RPTOR: variants seen among roughly 807,000 people sequenced by gnomAD.
RPTOR encodes the protein regulatory associated protein of MTOR complex 1.
Under a neutral mutation model 169.9 loss-of-function variants are expected in RPTOR, and 21 were observed. The observed-to-expected ratio is 0.12, with a 90% CI of 0.09 to 0.18. The LOEUF (loss-of-function observed/expected upper bound fraction) is 0.18. RPTOR is among the 10% of genes least tolerant of loss of function. RPTOR has a pLI of 1.00. For synonymous variants in RPTOR, 732 were observed against 753.2 expected, an observed-to-expected ratio of 0.97 and a Z score of 0.46; for missense variants, 1,133 against 1,855.9, an observed-to-expected ratio of 0.61 and a Z score of 7.16.
rs751529541 is a variant in RPTOR, at chr17:80,822,231, G to A, written c.921G>A (p.Thr307=). The A allele has an allele frequency of 3.7e-6, 6 of 1,614,070 alleles. No individual in the cohort carries two copies. The highest frequency in any genetic ancestry group is 3.3e-5 in the South Asian group (3 of 91,092). ...KIPGRLNDRR[T]PLGELNWIFT... is the part of the protein sequence containing the mutation. ...CTGGCCGCCTGAACGACAGGAGGAC[G>A]CCCCTGGGTGAACTGAACTGGATCT... The change falls in exon 8 of 34, where the codon ACG becomes ACA. Residue 307 remains threonine, a synonymous_variant. Transcript: ENST00000306801.
Position 80,781,328 on chromosome 17 carries a change from C to T in RPTOR, c.831-10122C>T, listed in dbSNP as rs896084740. 5.3e-5 allele frequency among the ~76,000 whole-genome samples: 8 copies of T among 152,182 alleles called. No individual in the cohort carries two copies. In the South Asian group the frequency reaches 6.2e-4, roughly 12 times the overall value. On this transcript the variant is annotated intron_variant, in intron 6 of 33. Coordinates refer to ENST00000306801, the MANE Select transcript of RPTOR (RefSeq NM_020761.3). ...CAAATAGAATCTTCAGCTTTGCCTT[C>T]GGTTCCCTCATCGTAGGGTCAGCTC...
intron 6 of RPTOR, among the ~76,000 whole-genome samples, chr17:80,778,724 G>A (rs773267537): frequency 2.0e-5 from 3 of 152,206 alleles, no homozygotes; most frequent in Middle Eastern, 3.4e-3. Flanking sequence ...ACTAGAGCCC[G>A]GGAGTTCACC....
At chr17:80,770,465 CAG>C (rs1334772620) in intron 6 of RPTOR, among the ~76,000 whole-genome samples, 1 of 152,176 alleles carries the variant, frequency 6.6e-6, no homozygotes, top group Non-Finnish European at 1.5e-5. Context: ...TTTGGGGACA[CAG>C]AGGAGCAAAT....
At chr17:80,778,221 G>C (rs1242693761) in intron 6 of RPTOR, among the ~76,000 whole-genome samples, 2 of 152,224 alleles carry the variant, frequency 1.3e-5, no homozygotes. Context: ...GGGAGCCGCT[G>C]TTAGGAGCCT....
At chr17:80,546,741 G>T (rs1035256928) in intron 1 of RPTOR, among the ~76,000 whole-genome samples, 13 of 152,082 alleles carry the variant, frequency 8.5e-5, no homozygotes, top group Non-Finnish European at 1.8e-4. Flanking sequence ...TTTAGTATAT[G>T]ATGTTGAACA....
At chr17:80,955,392 G>C (rs2069235409) in intron 28 of RPTOR, among the ~76,000 whole-genome samples, 2 of 152,196 alleles carry the variant, frequency 1.3e-5, no homozygotes, top group African/African-American at 4.8e-5. Flanking sequence ...AGGATGCAGT[G>C]ATACCCCTAC....
At chr17:80,900,164 C>G (rs976679350) in intron 20 of RPTOR, among the ~76,000 whole-genome samples, 1 of 152,026 alleles carries the variant, frequency 6.6e-6, no homozygotes, top group African/African-American at 2.4e-5. Flanking sequence ...TCGGGGACTC[C>G]TCTTTGTGCC....
chr17:80,715,750 A>G (rs1291543529), intron 4 of RPTOR, among the ~76,000 whole-genome samples: 3 of 148,388 alleles, frequency 2.0e-5, no homozygotes, highest in Non-Finnish European at 4.5e-5. Flanking sequence ...CCCAAATTCC[A>G]TTGTATCATT....
Position 80,954,595 on chromosome 17 carries a change from A to G in RPTOR, c.3371-3029A>G, listed in dbSNP as rs542170499. Among the ~76,000 whole-genome samples the G allele has an allele frequency of 3.9e-5, 6 of 152,352 alleles. No homozygotes were observed. The South Asian group carries it at 1.2e-3, about 32-fold the overall frequency. On this transcript the variant is annotated intron_variant, in intron 28 of 33. Coordinates refer to ENST00000306801, the MANE Select transcript of RPTOR (RefSeq NM_020761.3). ...ATTTCAAAAGTAAAATAAAGAATGTATGTATGCCAGCAATTAACAACTAGA... is the reference window on the plus strand; with the variant it reads ...ATTTCAAAAGTAAAATAAAGAATGTGTGTATGCCAGCAATTAACAACTAGA...
chr17:80,634,195 T>TGTGC (rs57700847), intron 2 of RPTOR, among the ~76,000 whole-genome samples: 5 of 138,952 alleles, frequency 3.6e-5, no homozygotes, highest in Admixed American at 3.5e-4. Context: ...ATACTGTGTG[T>TGTGC]GCATACTGTG....
chr17:80,880,509 C>T lies in RPTOR; in HGVS notation c.1584+20C>T, dbSNP rs770268843. The T allele has an allele frequency of 6.2e-7, 1 of 1,611,828 alleles. No homozygotes were observed. The highest frequency in any genetic ancestry group is 2.2e-5 in the East Asian group (1 of 44,864). On this transcript the variant is annotated intron_variant, in intron 14 of 33. Transcript: ENST00000306801. ...ATGCCAGTAAGGACGGGGCAGCACG[C>T]TCTCCACGGGCTTGGGACTCAGCAC...
intron 3 of RPTOR, among the ~76,000 whole-genome samples, chr17:80,681,221 G>A (rs945133358): frequency 1.3e-4 from 20 of 152,262 alleles, no homozygotes; most frequent in East Asian, 5.8e-4. Context: ...GGAGTGTCTC[G>A]CTTTATTTTT....
chr17:80,706,795 T>C (rs1000524409), intron 3 of RPTOR, among the ~76,000 whole-genome samples: 2 of 152,204 alleles, frequency 1.3e-5, no homozygotes, highest in African/African-American at 4.8e-5. Flanking sequence ...GCATTGAATA[T>C]GTGAATTAAA....
At chr17:80,685,617 ATATATATATATTTTTTTTT>A (rs1188841234) in intron 3 of RPTOR, among the ~76,000 whole-genome samples, 2 of 12,230 alleles carry the variant, frequency 1.6e-4, no homozygotes, top group Non-Finnish European at 3.4e-4. Context: ...ATATATATAT[ATATATATATATTTTTTTTT>A]TTTTTTTTTT....
intron 1 of RPTOR, among the ~76,000 whole-genome samples, chr17:80,588,248 C>T (rs902587268): frequency 6.8e-4 from 103 of 151,586 alleles, no homozygotes; most frequent in African/African-American, 2.3e-3. Flanking sequence ...CTGCAACCTC[C>T]GCCTCTCGGG....
chr17:80,888,075 G>A (rs2068271144), intron 17 of RPTOR, among the ~76,000 whole-genome samples: 2 of 152,166 alleles, frequency 1.3e-5, no homozygotes, highest in South Asian at 4.1e-4. Flanking sequence ...CCCTGTCATG[G>A]CCTCGGGAGG....
chr17:80,863,870 T>C (rs375289437), intron 13 of RPTOR, among the ~76,000 whole-genome samples: 13 of 152,194 alleles, frequency 8.5e-5, no homozygotes, highest in Admixed American at 5.2e-4. Flanking sequence ...CAAAGAGCCG[T>C]GATTGTGCCA....
intron 1 of RPTOR, among the ~76,000 whole-genome samples, chr17:80,565,057 C>T (rs2084562195): frequency 6.6e-6 from 1 of 152,126 alleles, no homozygotes; most frequent in Non-Finnish European, 1.5e-5. Context: ...CATGTCTTTG[C>T]TATTGTGAGT....
intron 1 of RPTOR, among the ~76,000 whole-genome samples, chr17:80,587,305 GC>G (rs2065069570): frequency 6.6e-6 from 1 of 152,226 alleles, no homozygotes; most frequent in Admixed American, 6.5e-5. Flanking sequence ...TAGTATCTGC[GC>G]TCTTTTGTGT....
Sources: gnomAD v4.1 joint callset for allele counts (sites outside exome capture counted in the v4.1 genomes callset) on GRCh38, gnomAD v4.1.1 for gene constraint, MANE v1.5 for transcripts, NCBI Gene and HGNC (gene_info 2026-07-23, HGNC 2026-07-21) for gene names.